Variants in PSIP1 observed in about 807,000 individuals in gnomAD.
PSIP1 encodes PC4 and SRSF1 interacting protein 1.
PSIP1 carries 19 observed loss-of-function variants against 74.7 expected under a neutral mutation model. The ratio of observed to expected loss-of-function variants is 0.25; its 90% CI spans 0.18 to 0.37. PSIP1 has a LOEUF of 0.37. PSIP1 is among the 10% of genes least tolerant of loss of function. PSIP1 has a pLI of 1.00. For missense variants in PSIP1, 601 were observed against 614.3 expected (o/e 0.98, Z 0.23); for synonymous variants, 222 against 195.3 (o/e 1.14, Z -1.14).
At chr9:15,482,853 G>A (rs975491986) in intron 6 of PSIP1, among the ~76,000 whole-genome samples, 34 of 152,034 alleles carry the variant, frequency 2.2e-4, no homozygotes, top group African/African-American at 7.3e-4. Context: ...TCTAGTTTCT[G>A]TCCTTACCAT....
intron 3 of PSIP1, chr9:15,491,879 G>A (rs1216350707): frequency 2.0e-5 from 3 of 152,434 alleles, no homozygotes; most frequent in Non-Finnish European, 4.4e-5. Context: ...CATGCAAGCA[G>A]GGAAAATGCC....
At chr9:15,498,014 T>C (rs1355983840) in intron 3 of PSIP1, among the ~76,000 whole-genome samples, 1 of 152,214 alleles carries the variant, frequency 6.6e-6, no homozygotes, top group Non-Finnish European at 1.5e-5. Context: ...CTAAACCTAT[T>C]GTTGGGCCAT....
chr9:15,504,484 T>C (rs2037491867), intron 3 of PSIP1, among the ~76,000 whole-genome samples: 2 of 152,164 alleles, frequency 1.3e-5, no homozygotes, highest in Non-Finnish European at 2.9e-5. Flanking sequence ...ATCGGTTCCA[T>C]TCCAGCACTT....
At chr9:15,503,299 G>T (rs919358972) in intron 3 of PSIP1, among the ~76,000 whole-genome samples, 2 of 151,922 alleles carry the variant, frequency 1.3e-5, no homozygotes, top group Admixed American at 6.6e-5. Context: ...TCTCAGAGGT[G>T]GAGGTTGCAA....
chr9:15,474,726 C>T (rs1179503998), intron 8 of PSIP1, among the ~76,000 whole-genome samples: 1 of 152,150 alleles, frequency 6.6e-6, no homozygotes, highest in East Asian at 1.9e-4. Flanking sequence ...CTCAATAATC[C>T]TAATTACTGC....
chr9:15,496,384 C>A (rs1304701538), intron 3 of PSIP1, among the ~76,000 whole-genome samples: 1 of 152,152 alleles, frequency 6.6e-6, no homozygotes, highest in East Asian at 1.9e-4. Context: ...TTCCTGCTTT[C>A]TTTGTGACAT....
At position 15,509,763 on chromosome 9, in the gene PSIP1, T is replaced by C. The variant is rs538103604; in HGVS notation, c.72+354A>G. 3.3e-5 allele frequency among the ~76,000 whole-genome samples: 5 copies of C among 152,354 alleles called. No homozygotes were observed. The South Asian group carries it at 8.3e-4, about 25-fold the overall frequency. ...AATTCCATTGATATTTTGTACTTGA[T>C]CCAAAACTATGGAAATGTCAATGTT... On this transcript the variant is annotated intron_variant, in intron 2 of 15. Transcript: ENST00000380733.
At chr9:15,505,144 G>GGC in intron 3 of PSIP1, 1 of 152,026 alleles carries the variant, frequency 6.6e-6, no homozygotes, top group Non-Finnish European at 1.5e-5. Flanking sequence ...TCACCATGTT[G>GGC]CAGGCTGGTC....
chr9:15,482,919 C>T (rs1168415312), intron 6 of PSIP1, among the ~76,000 whole-genome samples: 1 of 152,178 alleles, frequency 6.6e-6, no homozygotes, highest in African/African-American at 2.4e-5. Context: ...TGGCAAGTAT[C>T]TTACTGGTAC....
intron 3 of PSIP1, among the ~76,000 whole-genome samples, chr9:15,495,664 G>T (rs2037040024): frequency 6.6e-6 from 1 of 151,896 alleles, no homozygotes; most frequent in Admixed American, 6.6e-5. Context: ...TTGGCAAACT[G>T]TCATACTCCT....
At chr9:15,483,571 TA>T (rs990818063) in intron 6 of PSIP1, among the ~76,000 whole-genome samples, 4 of 151,158 alleles carry the variant, frequency 2.6e-5, no homozygotes, top group African/African-American at 7.3e-5. Context: ...ATTTTTTGTC[TA>T]AAAAAAAATG....
At chr9:15,478,353 TAAGA>T (rs2036186600) in intron 8 of PSIP1, 120 bp downstream of exon 8, 5 of 836,392 alleles carry the variant, frequency 6.0e-6, no homozygotes, top group East Asian at 2.6e-5. Flanking sequence ...CCTGTAATTT[TAAGA>T]AAGATCAAAA....
Position 15,510,279 on chromosome 9 carries a change from T to C in PSIP1, c.-91A>G. 1 of 1,073,838 alleles carries C rather than the reference T, an allele frequency of 9.3e-7. No individual in the cohort carries two copies. Among genetic ancestry groups the C allele is most frequent in the South Asian group, 1.6e-5 (1 of 61,042 alleles). 66.5% of individuals were successfully genotyped at this position (1,073,838 alleles called of 1,614,324 possible). On this transcript the variant is annotated 5_prime_UTR_variant, in exon 2 of 16. Coordinates refer to ENST00000380733, the MANE Select transcript of PSIP1 (RefSeq NM_033222.5). ...TGCGGGCGGCGGACGCGGGCCCAGC[T>C]ACCGGGCCCGCGGGCGGGGGAGGAT...
At chr9:15,470,126 GCT>G (rs914265595) in intron 10 of PSIP1, 133 bp from the exon 11 acceptor site, 6 of 681,196 alleles carry the variant, frequency 8.8e-6, no homozygotes, top group Admixed American at 5.0e-5. Context: ...ACTGACTGTA[GCT>G]CTTAGAATGG....
intron 3 of PSIP1, among the ~76,000 whole-genome samples, chr9:15,502,316 C>T (rs558168820): frequency 2.0e-5 from 3 of 152,318 alleles, no homozygotes; most frequent in Admixed American, 6.5e-5. Context: ...ACATAACCAT[C>T]TTTTTCCCCC....
chr9:15,493,998 G>A (rs1328659485), intron 3 of PSIP1, among the ~76,000 whole-genome samples: 1 of 152,132 alleles, frequency 6.6e-6, no homozygotes, highest in Non-Finnish European at 1.5e-5. Flanking sequence ...ATATAAGTCT[G>A]TCAGTTCTAT....
chr9:15,507,258 G>A (rs926008771), intron 2 of PSIP1, among the ~76,000 whole-genome samples: 3 of 152,190 alleles, frequency 2.0e-5, no homozygotes, highest in African/African-American at 7.2e-5. Flanking sequence ...ATCATCAGGT[G>A]CTGTCACGTC....
chr9:15,499,865 G>T (rs1362258247), intron 3 of PSIP1, among the ~76,000 whole-genome samples: 2 of 144,220 alleles, frequency 1.4e-5, no homozygotes, highest in African/African-American at 5.3e-5. Flanking sequence ...CAGAGCAAGA[G>T]ACTCTGTCTC....
At chr9:15,470,361 T>A (rs1174138478) in intron 10 of PSIP1, among the ~76,000 whole-genome samples, 2 of 152,114 alleles carry the variant, frequency 1.3e-5, no homozygotes, top group Non-Finnish European at 2.9e-5. Flanking sequence ...ATTTAATCAT[T>A]GTGCATGTAA....
Sources: gnomAD v4.1 joint callset for allele counts (sites outside exome capture counted in the v4.1 genomes callset) on GRCh38, gnomAD v4.1.1 for gene constraint, MANE v1.5 for transcripts, NCBI Gene and HGNC (gene_info 2026-07-23, HGNC 2026-07-21) for gene names.